Variants in COLGALT1 observed in about 807,000 individuals in gnomAD.
COLGALT1 encodes the protein procollagen galactosyltransferase 1.
COLGALT1 carries 43 observed loss-of-function variants against 60.8 expected under a neutral mutation model. The observed-to-expected ratio is 0.71, with a 90% confidence interval of 0.55 to 0.91. The LOEUF is 0.91. Among genes scored for constraint, COLGALT1 ranks in the 40% least tolerant of loss-of-function variants. The probability of loss-of-function intolerance (pLI) is 0.00; values close to 1 mark genes in which losing one functional copy is unlikely to be tolerated. For synonymous variants in COLGALT1, 369 were observed against 374.2 expected (o/e 0.99, Z 0.16); for missense variants, 845 against 880.0 (o/e 0.96, Z 0.50).
In COLGALT1 at chr19:17,582,530, T is replaced by G. The variant is rs1336395429; in HGVS notation, c.*1086T>G. On this transcript the variant is annotated 3_prime_UTR_variant, in exon 12 of 12. Transcript: ENST00000252599. ...ACAAAAGAGTGTGACAGTTGTTCAG[T>G]CTGCATTTTCGATCATGGGCTACAT... The G allele has an allele frequency of 6.6e-6, 1 of 152,180 alleles. No individual in the cohort carries two copies. The highest frequency in any genetic ancestry group is 1.5e-5 in the Non-Finnish European group (1 of 68,030). The allele number at this position is 152,180 out of a possible 1,614,324, so 9.4% of individuals were successfully genotyped here. A position where few individuals can be genotyped will look rare whatever the true frequency, so the allele number is the denominator to read the frequency against.
In COLGALT1 at chr19:17,581,392, A is replaced by ACT. The variant is rs748616335; in HGVS notation, c.1819_1820dup (p.Asp608ArgfsTer19). On this transcript the variant is annotated frameshift_variant, in exon 12 of 12. Coordinates refer to ENST00000252599, the MANE Select transcript of COLGALT1 (RefSeq NM_024656.4). LOFTEE classifies it high-confidence loss of function. The stretch of plus-strand genomic sequence containing the variant: ...CAGGCACTGAGCCGTGAGGCCAAGA[A>ACT]CTCGGACGTGCTCCAGTCCCCACTG... 13 of 1,612,268 alleles carry ACT rather than the reference A, an allele frequency of 8.1e-6. No homozygotes were observed. Among genetic ancestry groups the ACT allele is most frequent in the Non-Finnish European group, 1.0e-5 (12 of 1,179,908 alleles).
intron 5 of COLGALT1, 68 bp from the exon 6 acceptor site, chr19:17,572,415 A>G: frequency 6.2e-7 from 1 of 1,607,582 alleles, no homozygotes; most frequent in Non-Finnish European, 8.5e-7. Flanking sequence ...AAGCCGTGGG[A>G]TGGAAGGCAT....
chr19:17,559,408 G>A lies in COLGALT1; in HGVS notation c.358G>A (p.Ala120Thr), dbSNP rs1189076427. Residue 120 changes from alanine (A) to threonine (T), a missense_variant, in exon 2 of 12, where the codon GCA becomes ACA. Coordinates refer to ENST00000252599, the MANE Select transcript of COLGALT1 (RefSeq NM_024656.4). ...GTACCATTCCGTGGAGTGGCGGCCA[G>A]CAGAGGAGCCCAGGTGAGCATCTTT... The part of the protein sequence containing the change: ...SLYHSVEWRP[A>T]EEPRSYPDEE... The A allele has an allele frequency of 6.4e-7, 1 of 1,551,654 alleles. No homozygotes were observed. The highest frequency in any genetic ancestry group is 8.7e-7 in the Non-Finnish European group (1 of 1,146,878).
intron 6 of COLGALT1, 94 bp from the exon 7 acceptor site, chr19:17,577,101 C>A: frequency 1.5e-6 from 2 of 1,291,544 alleles, no homozygotes; most frequent in Non-Finnish European, 2.2e-6. Flanking sequence ...CCGAGCCAGT[C>A]TGACTGGGAG....
intron 4 of COLGALT1, 38 bp downstream of exon 4, chr19:17,567,578 A>T (rs745608346): frequency 1.3e-6 from 2 of 1,598,348 alleles, no homozygotes; most frequent in South Asian, 2.2e-5. Flanking sequence ...GACTGGGCTG[A>T]GCAGGGGGGT....
At chr19:17,561,218 CATAA>C (rs1485302536) in intron 3 of COLGALT1, among the ~76,000 whole-genome samples, 3 of 151,404 alleles carry the variant, frequency 2.0e-5, no homozygotes, top group African/African-American at 2.4e-5. Context: ...TAAATAAATA[CATAA>C]ATAAATATTT....
rs149813122 is a variant in COLGALT1, at chr19:17,557,558, C to T, written c.260+1585C>T. 8.4e-4 allele frequency among the ~76,000 whole-genome samples: 128 copies of T among 152,286 alleles called. 1 individual carries two copies. In the East Asian group the frequency reaches 0.023, roughly 28 times the overall value. The stretch of plus-strand genomic sequence containing the variant: ...CTCATGATCTGCCTGCCTCGGCCTC[C>T]CTAAGTGCTGGGATTACAGGCATGA... On this transcript the variant is annotated intron_variant, in intron 1 of 11. Coordinates refer to ENST00000252599, the MANE Select transcript of COLGALT1 (RefSeq NM_024656.4).
rs1409572040 is a variant in COLGALT1, at chr19:17,577,367, A to T, written c.1033A>T (p.Met345Leu). 1 of 1,601,548 alleles carries T rather than the reference A, an allele frequency of 6.2e-7. No homozygotes were observed. The highest frequency in any genetic ancestry group is 8.5e-7 in the Non-Finnish European group (1 of 1,175,690). ...PDKMGFDEVF[M>L]INLRRRQDRR... ...GGGACTCTCCGGGCTGCAGGTCTTC[A>T]TGATCAACCTGAGGCGGCGGCAGGA... The change falls in exon 8 of 12, where the codon ATG becomes TTG. Residue 345 changes from methionine to leucine, a missense_variant. Met to Leu is a conservative substitution (Grantham distance 15). Transcript: ENST00000252599.
Position 17,572,495 on chromosome 19 carries a change from A to G in COLGALT1, c.842A>G (p.Tyr281Cys), listed in dbSNP as rs1568478679. Residue 281 changes from tyrosine (Y) to cysteine (C), a missense_variant, in exon 6 of 12, where the codon TAT becomes TGT. Physicochemically the swap from Tyr to Cys is radical, Grantham distance 194 (BLOSUM62 -2). Coordinates refer to ENST00000252599, the MANE Select transcript of COLGALT1 (RefSeq NM_024656.4). ...CTGCCCACTGCAGAGGTTCAGATGT[A>G]TGTGTGCAACAAGGAGGAGTACGGA... The part of the protein sequence containing the change: ...FSCKQAEVQM[Y>C]VCNKEEYGFL... 1.2e-6 allele frequency: 2 copies of G among 1,614,064 alleles called. No homozygotes were observed. The highest frequency in any genetic ancestry group is 2.2e-5 in the East Asian group (1 of 44,860).
rs576623097 is a variant in COLGALT1 at position 17,555,650 on chromosome 19, AC to A, written c.-60del. On this transcript the variant is annotated 5_prime_UTR_variant, in exon 1 of 12. Coordinates refer to ENST00000252599, the MANE Select transcript of COLGALT1 (RefSeq NM_024656.4). Reference sequence around the variant, plus strand: ...CGCGCGGCCGGGCGGGGCCCCTATGACCCCTTTAAGGCGCGGCCAGAGTCCT... The same window carrying A: ...CGCGCGGCCGGGCGGGGCCCCTATGACCCTTTAAGGCGCGGCCAGAGTCCT... 5 of 1,158,274 alleles carry A rather than the reference AC, an allele frequency of 4.3e-6. No individual in the cohort carries two copies. In the South Asian group the frequency reaches 1.7e-4, roughly 40 times the overall value. The allele number at this position is 1,158,274 out of a possible 1,614,324, so 71.7% of individuals were successfully genotyped here.
At chr19:17,572,232 C>T (rs536414167) in intron 5 of COLGALT1, among the ~76,000 whole-genome samples, 51 of 151,808 alleles carry the variant, frequency 3.4e-4, no homozygotes, top group Non-Finnish European at 4.4e-4. Context: ...CACTTGAACC[C>T]GGGAGGCGGA....
intron 5 of COLGALT1, among the ~76,000 whole-genome samples, chr19:17,570,338 C>G (rs2076305193): frequency 6.6e-6 from 1 of 152,116 alleles, no homozygotes; most frequent in Admixed American, 6.6e-5. Flanking sequence ...CTCCTGGGCT[C>G]AAGCAATCCT....
Position 17,581,246 on chromosome 19 carries a change from C to T in COLGALT1, c.1671C>T (p.Tyr557=). 6.8e-6 allele frequency: 11 copies of T among 1,611,600 alleles called. No homozygotes were observed. Among genetic ancestry groups the T allele is most frequent in the Non-Finnish European group, 9.3e-6 (11 of 1,179,958 alleles). The change falls in exon 12 of 12, where the codon TAC becomes TAT. Residue 557 remains tyrosine (Y), a synonymous_variant. Coordinates refer to ENST00000252599, the MANE Select transcript of COLGALT1 (RefSeq NM_024656.4). The part of the protein sequence containing the change: ...HAFSVEPLLI[Y]PTHYTGDDGY... Reference sequence around the variant, plus strand: ...TCTCTGTGGAGCCGCTGCTCATCTACCCCACACACTACACAGGAGACGATG... The same window carrying T: ...TCTCTGTGGAGCCGCTGCTCATCTATCCCACACACTACACAGGAGACGATG...
intron 6 of COLGALT1, among the ~76,000 whole-genome samples, chr19:17,575,115 G>A (rs1428498186): frequency 1.3e-5 from 2 of 152,070 alleles, no homozygotes; most frequent in African/African-American, 4.8e-5. Flanking sequence ...GCAATGGTGC[G>A]ATCTTGGCTC....
At chr19:17,557,350 G>A (rs1234994495) in intron 1 of COLGALT1, among the ~76,000 whole-genome samples, 7 of 152,130 alleles carry the variant, frequency 4.6e-5, no homozygotes, top group African/African-American at 1.7e-4. Flanking sequence ...CGCCCAGGCT[G>A]GAGTACAGTG....
At chr19:17,578,198 G>C (rs2076356854) in intron 9 of COLGALT1, 109 bp downstream of exon 9, 2 of 1,303,378 alleles carry the variant, frequency 1.5e-6, no homozygotes, top group Non-Finnish European at 2.0e-6. Flanking sequence ...TAGGCATCCA[G>C]CCTCAGCCAT....
At chr19:17,568,418 T>C (rs3848644) in intron 4 of COLGALT1, 91 bp from the exon 5 acceptor site, 993,918 of 1,118,786 alleles carry the variant, frequency 0.89, 444,321 homozygotes, top group Middle Eastern at 0.96. Context: ...CCTGGCTGTC[T>C]GTCTGGTCCT....
At chr19:17,569,803 A>G (rs2076301166) in intron 5 of COLGALT1, among the ~76,000 whole-genome samples, 1 of 151,946 alleles carries the variant, frequency 6.6e-6, no homozygotes, top group South Asian at 2.1e-4. Flanking sequence ...ATATTTAAAG[A>G]GACAGCACAG....
chr19:17,568,749 C>G (rs191915857), intron 5 of COLGALT1, 36 bp downstream of exon 5: 1 of 1,606,396 alleles, frequency 6.2e-7, no homozygotes, highest in South Asian at 1.1e-5. Flanking sequence ...GCAGGGGCAT[C>G]TGCCTGGTTC....
Sources: gnomAD v4.1 joint callset for allele counts (sites outside exome capture counted in the v4.1 genomes callset) on GRCh38, gnomAD v4.1.1 for gene constraint, MANE v1.5 for transcripts, NCBI Gene and HGNC (gene_info 2026-07-23, HGNC 2026-07-21) for gene names.